Variants in L3MBTL2 observed in about 807,000 individuals in gnomAD.
The protein encoded by L3MBTL2 is lethal(3)malignant brain tumor-like protein 2.
Under a neutral mutation model 86.4 loss-of-function variants are expected in L3MBTL2, and 49 were observed. The observed-to-expected ratio is 0.57, with a 90% confidence interval of 0.45 to 0.72. The LOEUF (loss-of-function observed/expected upper bound fraction) is 0.72. L3MBTL2 is among the 30% of genes least tolerant of loss of function. The pLI, the probability that L3MBTL2 is intolerant of heterozygous loss-of-function variation, is 0.00. For synonymous variants in L3MBTL2, 336 were observed against 350.6 expected (o/e 0.96, Z 0.47); for missense variants, 755 against 923.7 (o/e 0.82, Z 2.37).
Position 41,225,957 on chromosome 22 carries a change from C to A in L3MBTL2, c.1504+16C>A. ...CCGCCAAAAGGTAAGACTAGAGAGGCCACCACCTGCTGTCCTTGCCATCAG... is the reference window on the plus strand; with the variant it reads ...CCGCCAAAAGGTAAGACTAGAGAGGACACCACCTGCTGTCCTTGCCATCAG... On this transcript the variant is annotated intron_variant, in intron 12 of 16. Transcript: ENST00000216237. The surrounding 1 kb of genome is among the most constrained non-coding windows in gnomAD (Gnocchi z 4.1). 1 of 1,612,476 alleles carries A rather than the reference C, an allele frequency of 6.2e-7. No individual in the cohort carries two copies.
In L3MBTL2 at chr22:41,213,876, C is replaced by T; in HGVS notation, c.263-17C>T. On this transcript the variant is annotated splice_polypyrimidine_tract_variant and intron_variant, in intron 2 of 16. Coordinates refer to ENST00000216237, the MANE Select transcript of L3MBTL2 (RefSeq NM_031488.5). ...GTGGTCATATCGGGTGAGTCATGTG[C>T]TAAGTTCTCTTCCCAGCTGTCTGTG... is the stretch of plus-strand genomic sequence containing the variant. The T allele has an allele frequency of 6.2e-7, 1 of 1,613,902 alleles. No individual in the cohort carries two copies. The highest frequency in any genetic ancestry group is 8.5e-7 in the Non-Finnish European group (1 of 1,179,882).
At position 41,225,637 on chromosome 22, in the gene L3MBTL2, C is replaced by T. The variant is rs549811897; in HGVS notation, c.1357-157C>T. Reference sequence around the variant, plus strand: ...CCCACGCGTATGCATCACAGAAGTACTGTGTGCCCCAGAGAGGCTCAGGTG... The same window carrying T: ...CCCACGCGTATGCATCACAGAAGTATTGTGTGCCCCAGAGAGGCTCAGGTG... On this transcript the variant is annotated intron_variant, in intron 11 of 16. Coordinates refer to ENST00000216237, the MANE Select transcript of L3MBTL2 (RefSeq NM_031488.5). This position sits in a 1 kb window ranked among gnomAD's most constrained non-coding sequence, Gnocchi z 4.1. 4.6e-5 allele frequency among the ~76,000 whole-genome samples: 7 copies of T among 152,228 alleles called. No individual in the cohort carries two copies. In the South Asian group the frequency reaches 1.4e-3, roughly 31 times the overall value.
At chr22:41,229,389 A>T in intron 15 of L3MBTL2, 151 bp from the exon 16 acceptor site, 3 of 750,472 alleles carry the variant, frequency 4.0e-6, no homozygotes, top group Non-Finnish European at 6.3e-6. Context: ...AGCCAATAAG[A>T]TGTGTTGTCA....
At chr22:41,230,108 G>T in intron 16 of L3MBTL2, 31 bp from the exon 17 acceptor site, 1 of 389,118 alleles carries the variant, frequency 2.6e-6, no homozygotes, top group South Asian at 3.9e-5. Flanking sequence ...TTATTTACTC[G>T]CCCACCCACC....
intron 5 of L3MBTL2, chr22:41,217,715 A>C (rs757957326): frequency 5.1e-5 from 8 of 157,574 alleles, no homozygotes; most frequent in Non-Finnish European, 9.8e-5. Context: ...TGACGTGTGG[A>C]GCCTGCAGGC....
chr22:41,229,537 A>G lies in L3MBTL2; in HGVS notation c.1889-3A>G, dbSNP rs752033257. On this transcript the variant is annotated splice_region_variant and splice_polypyrimidine_tract_variant and intron_variant, in intron 15 of 16. Coordinates refer to ENST00000216237, the MANE Select transcript of L3MBTL2 (RefSeq NM_031488.5). Reference sequence around the variant, plus strand: ...CTGGGTTTGAATCCATTTTTATTCAAAGGGAAAAGAATCCCGCCCACTAAG... The same window carrying G: ...CTGGGTTTGAATCCATTTTTATTCAGAGGGAAAAGAATCCCGCCCACTAAG... 1.2e-6 allele frequency: 2 copies of G among 1,606,596 alleles called. No homozygotes were observed. The highest frequency in any genetic ancestry group is 2.7e-5 in the African/African-American group (2 of 74,610).
chr22:41,224,094 C>T lies in L3MBTL2; in HGVS notation c.1017C>T (p.Arg339=), dbSNP rs374925240. 6 of 1,614,080 alleles carry T rather than the reference C, an allele frequency of 3.7e-6. No individual in the cohort carries two copies. The African/African-American group carries it at 4.0e-5, about 11-fold the overall frequency. Residue 339 remains arginine, a synonymous_variant, in exon 9 of 17, where the codon CGC becomes CGT. Coordinates refer to ENST00000216237, the MANE Select transcript of L3MBTL2 (RefSeq NM_031488.5). The surrounding 1 kb of genome is among the most constrained non-coding windows in gnomAD (Gnocchi z 4.9). ...TGGTGGACAAGTCCCAGGTGTCACGCACTCGCATGGCTGTGGTGGACACAG... is the reference window on the plus strand; with the variant it reads ...TGGTGGACAAGTCCCAGGTGTCACGTACTCGCATGGCTGTGGTGGACACAG... ...LEVVDKSQVS[R]TRMAVVDTVI... is the part of the protein sequence containing the mutation.
intron 16 of L3MBTL2, 90 bp downstream of exon 16, chr22:41,229,746 TAG>T (rs780998598): frequency 1.2e-6 from 2 of 1,605,172 alleles, no homozygotes; most frequent in South Asian, 1.1e-5. Flanking sequence ...CACAGAAGAG[TAG>T]AGTCAGGTTT....
rs746296283 is a variant in L3MBTL2, at chr22:41,205,351, A to C, written c.-12A>C. On this transcript the variant is annotated 5_prime_UTR_variant, in exon 1 of 17. Coordinates refer to ENST00000216237, the MANE Select transcript of L3MBTL2 (RefSeq NM_031488.5). ...TCCTGCACCTGGTGACGCTTGGCGA[A>C]ACTGAGGTCTCATGGAGAAGCCCCG... 6 of 1,614,076 alleles carry C rather than the reference A, an allele frequency of 3.7e-6. No homozygotes were observed. Among genetic ancestry groups the C allele is most frequent in the Non-Finnish European group, 5.1e-6 (6 of 1,180,050 alleles).
chr22:41,224,337 T>A lies in L3MBTL2; in HGVS notation c.1174+86T>A. 9.2e-7 allele frequency: 1 copy of A among 1,083,880 alleles called. No homozygotes were observed. Among genetic ancestry groups the A allele is most frequent in the Admixed American group, 2.1e-5 (1 of 47,148 alleles). 67.1% of individuals were successfully genotyped at this position (1,083,880 alleles called of 1,614,324 possible). A position where few individuals can be genotyped will look rare whatever the true frequency, so the allele number is the denominator to read the frequency against. On this transcript the variant is annotated intron_variant, in intron 9 of 16. Transcript: ENST00000216237. The surrounding 1 kb of genome is among the most constrained non-coding windows in gnomAD (Gnocchi z 4.9). The stretch of plus-strand genomic sequence containing the variant: ...GCACCTTCCTACTCGTCACAGCAGG[T>A]CAGCAGGTGGAGGTTGGCATGGCCC...
At chr22:41,220,953 G>A (rs2031769502) in intron 7 of L3MBTL2, 85 bp downstream of exon 7, 1 of 1,460,642 alleles carries the variant, frequency 6.8e-7, no homozygotes, top group Non-Finnish European at 9.4e-7. Context: ...GGTAGAATGG[G>A]AGTCCTCTGT....
chr22:41,215,032 C>T (rs1324164555), intron 3 of L3MBTL2, among the ~76,000 whole-genome samples: 11 of 152,074 alleles, frequency 7.2e-5, no homozygotes, highest in South Asian at 6.2e-4. Flanking sequence ...GGTCCTACTC[C>T]GAAAGGTTCT....
intron 2 of L3MBTL2, chr22:41,213,649 C>T (rs1225087419): frequency 2.8e-6 from 1 of 356,918 alleles, no homozygotes; most frequent in African/African-American, 2.1e-5. Context: ...CAGTCGTCCT[C>T]ATGGATTTCC....
At position 41,225,960 on chromosome 22, in the gene L3MBTL2, C is replaced by T. The variant is rs781237054; in HGVS notation, c.1504+19C>T. 1.1e-5 allele frequency: 18 copies of T among 1,612,126 alleles called. No individual in the cohort carries two copies. Among genetic ancestry groups the T allele is most frequent in the Admixed American group, 8.3e-5 (5 of 59,946 alleles). ...CCAAAAGGTAAGACTAGAGAGGCCA[C>T]CACCTGCTGTCCTTGCCATCAGAAG... On this transcript the variant is annotated intron_variant, in intron 12 of 16. Coordinates refer to ENST00000216237, the MANE Select transcript of L3MBTL2 (RefSeq NM_031488.5). This position sits in a 1 kb window ranked among gnomAD's most constrained non-coding sequence, Gnocchi z 4.1.
At position 41,230,895 on chromosome 22, in the gene L3MBTL2, G is replaced by A. The variant is rs995635372; in HGVS notation, c.*644G>A. On this transcript the variant is annotated 3_prime_UTR_variant, in exon 17 of 17. Coordinates refer to ENST00000216237, the MANE Select transcript of L3MBTL2 (RefSeq NM_031488.5). Reference sequence around the variant, plus strand: ...TTGGCGACCTGTGTGGTGGCCTTGAGCTGCTTTCTGTGTTTGTGAGGACTG... The same window carrying A: ...TTGGCGACCTGTGTGGTGGCCTTGAACTGCTTTCTGTGTTTGTGAGGACTG... The A allele has an allele frequency of 6.6e-6, 1 of 152,252 alleles. No homozygotes were observed. The highest frequency in any genetic ancestry group is 2.4e-5 in the African/African-American group (1 of 41,440). 9.4% of individuals were successfully genotyped at this position (152,252 alleles called of 1,614,324 possible).
chr22:41,217,234 G>T, intron 5 of L3MBTL2, 32 bp downstream of exon 5: 1 of 1,554,704 alleles, frequency 6.4e-7, no homozygotes, highest in Non-Finnish European at 8.8e-7. Context: ...GAGGGAGGCC[G>T]GGGAGCCGGG....
intron 6 of L3MBTL2, among the ~76,000 whole-genome samples, chr22:41,220,160 CA>C (rs2031706073): frequency 6.6e-6 from 1 of 151,552 alleles, no homozygotes; most frequent in East Asian, 1.9e-4. Context: ...CCAGACGGGG[CA>C]ATATAGTGAG....
At chr22:41,219,392 T>C in intron 5 of L3MBTL2, 27 bp from the exon 6 acceptor site, 1 of 1,548,514 alleles carries the variant, frequency 6.5e-7, no homozygotes, top group East Asian at 2.3e-5. Flanking sequence ...TAGCTCACTC[T>C]CTCGGTACAC....
At chr22:41,228,631 A>T (rs1326941539) in intron 15 of L3MBTL2, 2 of 483,032 alleles carry the variant, frequency 4.1e-6, no homozygotes, top group African/African-American at 4.2e-5. Flanking sequence ...TGGGCGGATC[A>T]TGAGGTCAGA....
Sources: allele counts gnomAD v4.1 joint callset (sites outside exome capture counted in the v4.1 genomes callset), GRCh38; gene constraint gnomAD v4.1.1; non-coding constraint Gnocchi (gnomAD v3.1); transcripts MANE v1.5; gene names NCBI Gene and HGNC (gene_info 2026-07-23, HGNC 2026-07-21).